Variants in DACH1 observed in about 807,000 individuals in gnomAD.
The protein encoded by DACH1 is dachshund family transcription factor 1.
In DACH1, 12 loss-of-function variants were observed where a neutral mutation model predicts 54.2. The ratio of observed to expected loss-of-function variants is 0.22; its 90% confidence interval spans 0.14 to 0.36. The LOEUF (loss-of-function observed/expected upper bound fraction) is 0.36. Ranked by LOEUF, DACH1 falls within the 10% of genes least tolerant of loss-of-function variation. The probability of loss-of-function intolerance (pLI) is 1.00; values close to 1 mark genes in which losing one functional copy is unlikely to be tolerated. For synonymous variants in DACH1, 386 were observed against 366.2 expected (o/e 1.05, Z -0.62); for missense variants, 805 against 929.8 (o/e 0.87, Z 1.75).
At chr13:71,766,190 A>T (rs1396595994) in intron 1 of DACH1, among the ~76,000 whole-genome samples, 1 of 151,978 alleles carries the variant, frequency 6.6e-6, no homozygotes, top group East Asian at 1.9e-4. Flanking sequence ...CTGGCCTCAA[A>T]AAGATTATTT....
At chr13:71,760,006 C>A (rs561600623) in intron 1 of DACH1, among the ~76,000 whole-genome samples, 1 of 152,322 alleles carries the variant, frequency 6.6e-6, no homozygotes, top group South Asian at 2.1e-4. Flanking sequence ...AAATGCATTT[C>A]ATTCCATTGA....
intron 1 of DACH1, among the ~76,000 whole-genome samples, chr13:71,686,693 C>T (rs567871856): frequency 1.3e-5 from 2 of 152,236 alleles, no homozygotes; most frequent in South Asian, 4.1e-4. Flanking sequence ...GCTTAATTCT[C>T]TTTCTAAGAG....
chr13:71,752,370 C>T (rs1490055808), intron 1 of DACH1, among the ~76,000 whole-genome samples: 1 of 151,972 alleles, frequency 6.6e-6, no homozygotes, highest in South Asian at 2.1e-4. Context: ...ATAATTTTTC[C>T]ATTAGTGTCT....
At chr13:71,720,504 T>C (rs1883185671) in intron 1 of DACH1, among the ~76,000 whole-genome samples, 1 of 152,220 alleles carries the variant, frequency 6.6e-6, no homozygotes, top group East Asian at 1.9e-4. Context: ...CAAATGTGTT[T>C]GACTAACTAA....
At chr13:71,768,056 A>T (rs1885710249) in intron 1 of DACH1, among the ~76,000 whole-genome samples, 1 of 151,996 alleles carries the variant, frequency 6.6e-6, no homozygotes, top group African/African-American at 2.4e-5. Context: ...ATGGGCTATC[A>T]TATAATTAGA....
chr13:71,693,285 C>A (rs1019584358), intron 1 of DACH1, among the ~76,000 whole-genome samples: 1 of 141,954 alleles, frequency 7.0e-6, no homozygotes, highest in Non-Finnish European at 1.5e-5. Flanking sequence ...CCCTCTTATC[C>A]ATTTGTTTTG....
At chr13:71,693,443 T>C (rs1302351170) in intron 1 of DACH1, among the ~76,000 whole-genome samples, 7 of 149,340 alleles carry the variant, frequency 4.7e-5, no homozygotes, top group Admixed American at 4.0e-4. Context: ...GCTGGGACTA[T>C]AGGTGCTCAC....
chr13:71,509,050 G>A (rs1375938901), intron 6 of DACH1, among the ~76,000 whole-genome samples: 1 of 151,868 alleles, frequency 6.6e-6, no homozygotes, highest in African/African-American at 2.4e-5. Context: ...CCTACACCAG[G>A]GTGTATAAAT....
rs145944260 is a variant in DACH1 at position 71,819,969 on chromosome 13, C to A, written c.848+45953G>T. Among the ~76,000 whole-genome samples, 215 of 151,678 alleles carry A rather than the reference C, an allele frequency of 1.4e-3. 1 individual carries two copies. The highest frequency in any genetic ancestry group is 5.1e-3 in the African/African-American group (209 of 41,384). ...TGGCTCCATTTCATTTAACTGGCAC[C>A]TAAAGAAAAGGACTGTATTGGGTGC... On this transcript the variant is annotated intron_variant, in intron 1 of 10. Coordinates refer to ENST00000613252, the MANE Select transcript of DACH1 (RefSeq NM_080759.6).
At chr13:71,616,810 C>A (rs1303894278) in intron 3 of DACH1, among the ~76,000 whole-genome samples, 2 of 150,286 alleles carry the variant, frequency 1.3e-5, no homozygotes, top group Admixed American at 6.7e-5. Flanking sequence ...TATATATATA[C>A]ATAGAAAGAG....
At chr13:71,680,192 G>A (rs1387399009) in intron 2 of DACH1, among the ~76,000 whole-genome samples, 3 of 152,136 alleles carry the variant, frequency 2.0e-5, no homozygotes, top group African/African-American at 4.8e-5. Context: ...AATGACGATA[G>A]TTGCCTTGAA....
intron 2 of DACH1, among the ~76,000 whole-genome samples, chr13:71,631,498 C>G (rs2875620): frequency 0.3 from 44,925 of 152,078 alleles, 9,448 homozygotes; most frequent in East Asian, 0.8. Context: ...ACACAGCTTG[C>G]TATTCCCAGT....
At chr13:71,693,050 A>T (rs1881606281) in intron 1 of DACH1, among the ~76,000 whole-genome samples, 1 of 152,104 alleles carries the variant, frequency 6.6e-6, no homozygotes, top group African/African-American at 2.4e-5. Flanking sequence ...TTATTATCTT[A>T]ATCTTAATCA....
At chr13:71,594,846 G>A (rs1052388240) in intron 3 of DACH1, among the ~76,000 whole-genome samples, 1 of 152,032 alleles carries the variant, frequency 6.6e-6, no homozygotes, top group African/African-American at 2.4e-5. Flanking sequence ...ATTAGTTGTA[G>A]GCACTGTTCT....
intron 2 of DACH1, among the ~76,000 whole-genome samples, chr13:71,656,539 G>C (rs919669849): frequency 6.6e-6 from 1 of 151,892 alleles, no homozygotes; most frequent in East Asian, 2.0e-4. Context: ...ATTGGAGCAC[G>C]TTTTGTTGAT....
At chr13:71,655,912 T>C (rs1879061428) in intron 2 of DACH1, among the ~76,000 whole-genome samples, 1 of 152,168 alleles carries the variant, frequency 6.6e-6, no homozygotes, top group Non-Finnish European at 1.5e-5. Context: ...GAAGAAAAAG[T>C]TATTAAAGGG....
chr13:71,573,171 G>A (rs547153669), intron 3 of DACH1, among the ~76,000 whole-genome samples, 159 bp from the exon 4 acceptor site: 1 of 152,210 alleles, frequency 6.6e-6, no homozygotes, highest in Admixed American at 6.5e-5. Context: ...CAGGCTTACA[G>A]CTATCTGGTT....
rs192464658 is a variant in DACH1, at chr13:71,662,200, T to C, written c.964+19595A>G. ...TAAAATAGACTTCAGTGAATCACCA[T>C]GTTGGCAACGGTACACAGAGGTTTT... On this transcript the variant is annotated intron_variant, in intron 2 of 10. Transcript: ENST00000613252. Among the ~76,000 whole-genome samples the C allele has an allele frequency of 2.0e-5, 3 of 152,182 alleles. 1 individual carries two copies. The highest frequency in any genetic ancestry group is 4.8e-5 in the African/African-American group (2 of 41,568).
chr13:71,487,357 C>T (rs908998662), intron 7 of DACH1, among the ~76,000 whole-genome samples: 5 of 152,114 alleles, frequency 3.3e-5, no homozygotes, highest in African/African-American at 1.2e-4. Flanking sequence ...AGTAATTTGT[C>T]TAAAATGTGT....
Sources: gnomAD v4.1 joint callset for allele counts (sites outside exome capture counted in the v4.1 genomes callset) on GRCh38, gnomAD v4.1.1 for gene constraint, MANE v1.5 for transcripts, NCBI Gene and HGNC (gene_info 2026-07-23, HGNC 2026-07-21) for gene names.